The following PCCA variants were observed in gnomAD, a reference collection of about 807,000 sequenced individuals.
The protein encoded by PCCA is propionyl-CoA carboxylase subunit alpha.
A neutral mutation model predicts 101.3 loss-of-function variants in PCCA; 74 were observed. The observed-to-expected ratio is 0.73, with a 90% CI of 0.61 to 0.89. The LOEUF (loss-of-function observed/expected upper bound fraction) is 0.89. Ranked by LOEUF, PCCA falls within the 40% of genes least tolerant of loss-of-function variation. The pLI, the probability that PCCA is intolerant of heterozygous loss-of-function variation, is 0.00. For missense variants in PCCA, 891 were observed against 907.0 expected, an observed-to-expected ratio of 0.98 and a Z score of 0.23; for synonymous variants, 294 against 313.6, an observed-to-expected ratio of 0.94 and a Z score of 0.66.
intron 2 of PCCA, among the ~76,000 whole-genome samples, chr13:100,109,745 GGAGGAGTT>G (rs1156969109): frequency 1.9e-4 from 29 of 152,128 alleles, no homozygotes; most frequent in Admixed American, 9.8e-4. Flanking sequence ...GGCTCGGGTT[GGAGGAGTT>G]AAGACATATA....
At chr13:100,396,227 A>G (rs183479185) in intron 19 of PCCA, among the ~76,000 whole-genome samples, 1 of 152,208 alleles carries the variant, frequency 6.6e-6, no homozygotes, top group Non-Finnish European at 1.5e-5. Context: ...GTCACGAGGC[A>G]GGTGGACTTG....
At chr13:100,391,799 G>A (rs1331943180) in intron 19 of PCCA, among the ~76,000 whole-genome samples, 4 of 151,252 alleles carry the variant, frequency 2.6e-5, no homozygotes, top group Non-Finnish European at 5.9e-5. Context: ...AGAATTAATA[G>A]AATACATATT....
intron 21 of PCCA, among the ~76,000 whole-genome samples, chr13:100,500,408 GTAA>G (rs2085582338): frequency 6.6e-6 from 1 of 152,276 alleles, no homozygotes; most frequent in East Asian, 1.9e-4. Flanking sequence ...ATTAGTTCAT[GTAA>G]TAATAACATG....
intron 18 of PCCA, among the ~76,000 whole-genome samples, chr13:100,364,417 A>G (rs2074961297): frequency 6.6e-6 from 1 of 152,248 alleles, no homozygotes; most frequent in Non-Finnish European, 1.5e-5. Flanking sequence ...AGAATGTTTC[A>G]AAGTAAGTAT....
intron 4 of PCCA, among the ~76,000 whole-genome samples, chr13:100,136,488 A>G (rs2051186478): frequency 6.6e-6 from 1 of 152,136 alleles, no homozygotes; most frequent in South Asian, 2.1e-4. Context: ...CCCGGCCTAT[A>G]AAATTGTTCA....
intron 19 of PCCA, among the ~76,000 whole-genome samples, chr13:100,425,276 C>T (rs1267395373): frequency 7.2e-5 from 11 of 152,210 alleles, no homozygotes; most frequent in Admixed American, 4.6e-4. Context: ...ATATTATATG[C>T]AAGCCCTGTT....
chr13:100,171,992 A>G (rs976619239), intron 6 of PCCA, among the ~76,000 whole-genome samples: 1 of 150,664 alleles, frequency 6.6e-6, no homozygotes, highest in Non-Finnish European at 1.5e-5. Context: ...AGTTCTCGCC[A>G]CTGCATTCCA....
At chr13:100,377,222 G>A (rs568009261) in intron 19 of PCCA, among the ~76,000 whole-genome samples, 20 of 152,290 alleles carry the variant, frequency 1.3e-4, no homozygotes, top group Admixed American at 3.3e-4. Context: ...TGCTGATCTC[G>A]CGGGGAGCTA....
At chr13:100,524,728 T>G (rs2087607703) in intron 22 of PCCA, among the ~76,000 whole-genome samples, 1 of 152,022 alleles carries the variant, frequency 6.6e-6, no homozygotes, top group Non-Finnish European at 1.5e-5. Context: ...AAAAATTAGC[T>G]GGGCGTGGTG....
At chr13:100,114,731 A>G (rs1406454060) in intron 4 of PCCA, among the ~76,000 whole-genome samples, 3 of 152,240 alleles carry the variant, frequency 2.0e-5, no homozygotes, top group African/African-American at 7.2e-5. Flanking sequence ...GTACAATGAG[A>G]TAAAATCTTA....
At chr13:100,510,649 T>C (rs2086411375) in intron 21 of PCCA, among the ~76,000 whole-genome samples, 1 of 152,242 alleles carries the variant, frequency 6.6e-6, no homozygotes, top group Admixed American at 6.5e-5. Flanking sequence ...TATTGCTGCC[T>C]GTTGCATCTT....
chr13:100,500,021 T>C (rs757706903), intron 21 of PCCA, among the ~76,000 whole-genome samples: 36 of 152,218 alleles, frequency 2.4e-4, no homozygotes, highest in Non-Finnish European at 3.4e-4. Context: ...GGAATCTATC[T>C]TTAGACTATT....
At chr13:100,117,995 G>A (rs367652283) in intron 4 of PCCA, among the ~76,000 whole-genome samples, 96 of 151,514 alleles carry the variant, frequency 6.3e-4, no homozygotes, top group African/African-American at 2.1e-3. Flanking sequence ...AGGCTCCTGT[G>A]GTCCCAGCTA....
At chr13:100,104,011 A>G (rs1252701111) in intron 2 of PCCA, among the ~76,000 whole-genome samples, 6 of 152,206 alleles carry the variant, frequency 3.9e-5, no homozygotes, top group Non-Finnish European at 8.8e-5. Flanking sequence ...TTAAAATGCT[A>G]TTACAATAAT....
intron 1 of PCCA, among the ~76,000 whole-genome samples, chr13:100,099,400 C>T (rs930590115): frequency 1.3e-5 from 2 of 150,926 alleles, no homozygotes; most frequent in East Asian, 1.9e-4. Context: ...TCACTACAAC[C>T]TCTGCCTCCC....
chr13:100,512,963 GT>G (rs1297774142), intron 21 of PCCA, among the ~76,000 whole-genome samples: 14 of 152,216 alleles, frequency 9.2e-5, no homozygotes, highest in African/African-American at 3.1e-4. Context: ...GTAAATAGCA[GT>G]TTTGATCAGA....
At chr13:100,488,920 A>T (rs546399451) in intron 21 of PCCA, among the ~76,000 whole-genome samples, 9 of 152,140 alleles carry the variant, frequency 5.9e-5, no homozygotes, top group Non-Finnish European at 8.8e-5. Context: ...ATTAGCTATT[A>T]ACATGCCCTG....
intron 7 of PCCA, among the ~76,000 whole-genome samples, chr13:100,220,784 C>A (rs1051945133): frequency 6.6e-6 from 1 of 152,208 alleles, no homozygotes; most frequent in Admixed American, 6.5e-5. Context: ...AGAAGTCTGA[C>A]TCTGAGAGAC....
intron 22 of PCCA, among the ~76,000 whole-genome samples, chr13:100,520,181 A>G (rs1288640215): frequency 6.6e-6 from 1 of 152,208 alleles, no homozygotes; most frequent in African/African-American, 2.4e-5. Flanking sequence ...TTTGTTCACC[A>G]TTTCCATATG....
Sources: allele counts gnomAD v4.1 joint callset (sites outside exome capture counted in the v4.1 genomes callset), GRCh38; gene constraint gnomAD v4.1.1; transcripts MANE v1.5; gene names NCBI Gene and HGNC (gene_info 2026-07-23, HGNC 2026-07-21).